Variants in SYN2 observed in about 807,000 individuals in gnomAD.
The protein encoded by SYN2 is synapsin-2.
In SYN2, 19 loss-of-function variants were observed where a neutral mutation model predicts 50.9. That is an observed-to-expected ratio of 0.37 (90% CI 0.26 to 0.55). The LOEUF is 0.55. SYN2 is among the 20% of genes least tolerant of loss of function. SYN2 has a pLI of 0.81. For missense variants in SYN2, 587 were observed against 576.4 expected (o/e 1.02, Z -0.19); for synonymous variants, 255 against 224.9 (o/e 1.13, Z -1.20).
chr3:12,185,106 T>G, intron 11 of SYN2: 1 of 985,846 alleles, frequency 1.0e-6, no homozygotes, highest in Non-Finnish European at 1.2e-6. Context: ...AATCCCTCCC[T>G]CAGCTGATAA....
intron 9 of SYN2, among the ~76,000 whole-genome samples, chr3:12,168,981 T>C (rs1697874064): frequency 6.6e-6 from 1 of 152,210 alleles, no homozygotes; most frequent in Non-Finnish European, 1.5e-5. Context: ...TTCACACACA[T>C]TCCTACCCAA....
chr3:12,057,402 A>G (rs1695018218), intron 1 of SYN2, among the ~76,000 whole-genome samples: 1 of 151,900 alleles, frequency 6.6e-6, no homozygotes, highest in Non-Finnish European at 1.5e-5. Context: ...GATATTTGAA[A>G]TGAGTTTCAA....
intron 1 of SYN2, among the ~76,000 whole-genome samples, chr3:12,018,813 T>A (rs1655901344): frequency 6.6e-6 from 1 of 152,236 alleles, no homozygotes; most frequent in South Asian, 2.1e-4. Flanking sequence ...CAATATGTAT[T>A]GTCTGAAACT....
chr3:12,074,791 C>T (rs1695435021), intron 1 of SYN2, among the ~76,000 whole-genome samples: 1 of 152,082 alleles, frequency 6.6e-6, no homozygotes, highest in African/African-American at 2.4e-5. Flanking sequence ...CCAAGAGACA[C>T]TAGTTGGAAC....
intron 11 of SYN2, among the ~76,000 whole-genome samples, chr3:12,186,538 C>G (rs1698344372): frequency 6.6e-6 from 1 of 152,176 alleles, no homozygotes; most frequent in Non-Finnish European, 1.5e-5. Context: ...CTTGAGAATT[C>G]TACCACACAT....
intron 7 of SYN2, among the ~76,000 whole-genome samples, chr3:12,164,366 A>C (rs1697729294): frequency 6.6e-6 from 1 of 152,230 alleles, no homozygotes; most frequent in Non-Finnish European, 1.5e-5. Flanking sequence ...TGACCAGAGA[A>C]GCTTTAGATA....
intron 10 of SYN2, among the ~76,000 whole-genome samples, chr3:12,181,387 C>T (rs957408756): frequency 6.6e-6 from 1 of 152,144 alleles, no homozygotes; most frequent in Non-Finnish European, 1.5e-5. Context: ...TGTCTCTGAC[C>T]ATGAGAGGCT....
intron 1 of SYN2, among the ~76,000 whole-genome samples, chr3:12,088,992 C>T (rs1054268988): frequency 1.3e-5 from 2 of 152,106 alleles, no homozygotes; most frequent in African/African-American, 4.8e-5. Flanking sequence ...GATGTATTGT[C>T]TACCTCAAAA....
intron 1 of SYN2, among the ~76,000 whole-genome samples, chr3:12,053,552 A>G (rs1176247166): frequency 2.0e-5 from 3 of 152,176 alleles, no homozygotes; most frequent in Admixed American, 6.5e-5. Flanking sequence ...CATCTATCAA[A>G]CATAATTATT....
chr3:12,160,417 T>A (rs1697620120), intron 5 of SYN2, among the ~76,000 whole-genome samples: 1 of 152,212 alleles, frequency 6.6e-6, no homozygotes, highest in African/African-American at 2.4e-5. Flanking sequence ...TGTTCAAATC[T>A]TAGTTCCCAT....
At chr3:12,170,506 C>A (rs780109425) in intron 10 of SYN2, among the ~76,000 whole-genome samples, 2 of 152,154 alleles carry the variant, frequency 1.3e-5, no homozygotes, top group African/African-American at 4.8e-5. Flanking sequence ...ATTCCAGCTG[C>A]GGGTCTAGTG....
chr3:12,173,553 A>G (rs759412540), intron 10 of SYN2, among the ~76,000 whole-genome samples: 1 of 151,846 alleles, frequency 6.6e-6, no homozygotes, highest in Non-Finnish European at 1.5e-5. Flanking sequence ...CTTTTACCAC[A>G]TTTTCTCTCC....
At chr3:12,056,053 T>C (rs1474536263) in intron 1 of SYN2, among the ~76,000 whole-genome samples, 2 of 152,116 alleles carry the variant, frequency 1.3e-5, no homozygotes, top group Admixed American at 6.5e-5. Context: ...TATGGGAAAT[T>C]CTACATATGG....
chr3:12,047,144 G>A (rs1694757600), intron 1 of SYN2, among the ~76,000 whole-genome samples: 1 of 148,728 alleles, frequency 6.7e-6, no homozygotes, highest in African/African-American at 2.6e-5. Flanking sequence ...AAATTGTATG[G>A]AAAGAGAAGA....
chr3:12,163,690 A>G (rs1336212285), intron 7 of SYN2, among the ~76,000 whole-genome samples: 1 of 152,048 alleles, frequency 6.6e-6, no homozygotes, highest in Non-Finnish European at 1.5e-5. Flanking sequence ...ATTTTTTTTT[A>G]CCTTTATTGT....
intron 1 of SYN2, among the ~76,000 whole-genome samples, chr3:12,026,650 T>C (rs1372386791): frequency 3.3e-5 from 5 of 151,990 alleles, no homozygotes; most frequent in Non-Finnish European, 7.4e-5. Context: ...TAGGAAACAT[T>C]GTGTTCTTGG....
At position 12,167,301 on chromosome 3, in the gene SYN2, T is replaced by G. The variant is rs1405082901; in HGVS notation, c.1048T>G (p.Ser350Ala). ...TGCGATGCTGGAGCAGATTGCCATG[T>G]CAGACAGGTGAGTTGAGAGAAGGAG... ...GSAMLEQIAM[S>A]DRYKLWVDTC... Residue 350 changes from serine (S) to alanine (A), a missense_variant, in exon 8 of 13, where the codon TCA (serine) becomes GCA (alanine). Ser to Ala is a moderately conservative substitution (Grantham distance 99). Transcript: ENST00000621198. The G allele has an allele frequency of 1.9e-6, 3 of 1,612,024 alleles. No homozygotes were observed. The highest frequency in any genetic ancestry group is 2.5e-6 in the Non-Finnish European group (3 of 1,179,310).
intron 10 of SYN2, among the ~76,000 whole-genome samples, chr3:12,180,888 G>A (rs1001623117): frequency 7.9e-5 from 12 of 152,180 alleles, no homozygotes; most frequent in African/African-American, 2.7e-4. Flanking sequence ...CTCATCCTGT[G>A]TCTGGAGTTC....
chr3:12,021,893 C>T (rs1236196638), intron 1 of SYN2, among the ~76,000 whole-genome samples: 4 of 152,092 alleles, frequency 2.6e-5, no homozygotes, highest in African/African-American at 4.8e-5. Context: ...AACGAAACCC[C>T]GTCTCTATTA....
Sources: allele counts gnomAD v4.1 joint callset (sites outside exome capture counted in the v4.1 genomes callset), GRCh38; gene constraint gnomAD v4.1.1; transcripts MANE v1.5; gene names NCBI Gene and HGNC (gene_info 2026-07-23, HGNC 2026-07-21).